The following SENP5 variants were observed in gnomAD, a reference collection of about 807,000 sequenced individuals.
SENP5 encodes the protein sentrin-specific protease 5.
A neutral mutation model predicts 74.2 loss-of-function variants in SENP5; 21 were observed. The ratio of observed to expected loss-of-function variants is 0.28; its 90% CI spans 0.20 to 0.41. The LOEUF (loss-of-function observed/expected upper bound fraction) is 0.41. Ranked by LOEUF, SENP5 falls within the 10% of genes least tolerant of loss-of-function variation. SENP5 has a pLI of 1.00. For missense variants in SENP5, 717 were observed against 889.1 expected, an observed-to-expected ratio of 0.81 and a Z score of 2.46; for synonymous variants, 311 against 312.7, an observed-to-expected ratio of 0.99 and a Z score of 0.06.
At chr3:196,869,044 G>A (rs570250469) in intron 1 of SENP5, among the ~76,000 whole-genome samples, 2 of 151,950 alleles carry the variant, frequency 1.3e-5, no homozygotes, top group African/African-American at 4.8e-5. Flanking sequence ...CATGTCTCAC[G>A]CTTATTGATG....
chr3:196,899,671 C>A lies in SENP5; in HGVS notation c.1519C>A (p.Leu507Ile). Residue 507 changes from leucine (L) to isoleucine (I), a missense_variant, in exon 3 of 10, where the codon CTA becomes ATA. Coordinates refer to ENST00000323460, the MANE Select transcript of SENP5 (RefSeq NM_152699.5). ...EQLSVCLSGFLDEVMKKYGSL... is the reference protein window; with the variant it reads ...EQLSVCLSGFIDEVMKKYGSL... ...TCTTTCTTCCTTTATTTAAGGATTC[C>A]TAGATGAGGTTATGAAGAAGTATGG... 1 of 1,595,834 alleles carries A rather than the reference C, an allele frequency of 6.3e-7. No homozygotes were observed. The highest frequency in any genetic ancestry group is 1.1e-5 in the South Asian group (1 of 90,444).
At chr3:196,925,697 A>G (rs1196769355) in intron 7 of SENP5, among the ~76,000 whole-genome samples, 1 of 152,184 alleles carries the variant, frequency 6.6e-6, no homozygotes, top group Non-Finnish European at 1.5e-5. Context: ...TAAAACATGC[A>G]GTTGGGTTTA....
intron 1 of SENP5, among the ~76,000 whole-genome samples, chr3:196,881,920 A>G (rs1222217064): frequency 7.7e-6 from 1 of 129,432 alleles, no homozygotes; most frequent in Admixed American, 8.5e-5. Flanking sequence ...TTTTTGAGAC[A>G]GTCTTGGTCT....
At chr3:196,869,842 G>C (rs1713132787) in intron 1 of SENP5, among the ~76,000 whole-genome samples, 1 of 74,106 alleles carries the variant, frequency 1.3e-5, no homozygotes, top group South Asian at 3.5e-4. Flanking sequence ...TTCTAAATCA[G>C]CCTTTTTTTT....
At chr3:196,926,472 A>G (rs540204196) in intron 7 of SENP5, among the ~76,000 whole-genome samples, 95 of 116,864 alleles carry the variant, frequency 8.1e-4, no homozygotes, top group African/African-American at 2.9e-3. Context: ...ACAGAGCAAG[A>G]CTCCGTCTCA....
intron 6 of SENP5, among the ~76,000 whole-genome samples, chr3:196,910,891 C>A (rs191604389): frequency 6.6e-6 from 1 of 152,084 alleles, no homozygotes; most frequent in South Asian, 2.1e-4. Flanking sequence ...ACCAATGGAA[C>A]AGAACAGAGA....
chr3:196,909,847 C>T (rs1384035403), intron 6 of SENP5, among the ~76,000 whole-genome samples: 1 of 152,114 alleles, frequency 6.6e-6, no homozygotes, highest in Non-Finnish European at 1.5e-5. Context: ...TGGCACAAGA[C>T]AAGGATGCCC....
chr3:196,889,911 G>A (rs1284482478), intron 2 of SENP5, among the ~76,000 whole-genome samples: 1 of 152,130 alleles, frequency 6.6e-6, no homozygotes, highest in African/African-American at 2.4e-5. Context: ...AGTAGTTGGG[G>A]AATCTCTCCC....
At chr3:196,922,593 C>T (rs1715662638) in intron 6 of SENP5, among the ~76,000 whole-genome samples, 1 of 152,108 alleles carries the variant, frequency 6.6e-6, no homozygotes, top group Non-Finnish European at 1.5e-5. Flanking sequence ...GGACTGCAGG[C>T]ATGCACCACC....
intron 2 of SENP5, among the ~76,000 whole-genome samples, chr3:196,895,607 T>A (rs1261934520): frequency 6.6e-6 from 1 of 151,182 alleles, no homozygotes; most frequent in African/African-American, 2.4e-5. Flanking sequence ...CTGCAGTCTT[T>A]GCCTCCCAGG....
chr3:196,899,955 T>G lies in SENP5; in HGVS notation c.1651T>G (p.Tyr551Asp). 3 of 1,613,992 alleles carry G rather than the reference T, an allele frequency of 1.9e-6. No individual in the cohort carries two copies. Among genetic ancestry groups the G allele is most frequent in the Non-Finnish European group, 2.5e-6 (3 of 1,179,982 alleles). The change falls in exon 4 of 10, where the codon TAT becomes GAT. Residue 551 changes from tyrosine to aspartate, a missense_variant. Tyr to Asp is a radical substitution (Grantham distance 160). Transcript: ENST00000323460. ...KPFINREITNYRARHQKCNFR... is the reference protein window; with the variant it reads ...KPFINREITNDRARHQKCNFR... ...ATTTATCAATAGGGAAATAACAAAC[T>G]ATCGGGCCAGACATCAAAAATGTAA... is the stretch of plus-strand genomic sequence containing the variant.
In SENP5 at chr3:196,934,265, A is replaced by T. The variant is rs1716161150; in HGVS notation, c.*3342A>T. ...TTGGAACAGAACAGTAACAGACCTA[A>T]CTGGGACTCAGCCAGCACTAGCCTC... On this transcript the variant is annotated 3_prime_UTR_variant, in exon 10 of 10. Transcript: ENST00000323460. 6.6e-6 allele frequency: 1 copy of T among 152,192 alleles called. No homozygotes were observed. Among genetic ancestry groups the T allele is most frequent in the South Asian group, 2.1e-4 (1 of 4,822 alleles). The allele number at this position is 152,192 out of a possible 1,614,324, so 9.4% of individuals were successfully genotyped here.
intron 6 of SENP5, 118 bp downstream of exon 6, chr3:196,903,728 G>C: frequency 1.7e-6 from 1 of 582,388 alleles, no homozygotes; most frequent in East Asian, 2.9e-5. Context: ...ACTTTTTAAT[G>C]TGACAAGTTT....
At chr3:196,871,021 T>C (rs1057111468) in intron 1 of SENP5, among the ~76,000 whole-genome samples, 1 of 151,676 alleles carries the variant, frequency 6.6e-6, no homozygotes, top group Admixed American at 6.6e-5. Context: ...TACAAAAAAA[T>C]TAGCTGGGCA....
At chr3:196,891,512 T>G (rs1397794563) in intron 2 of SENP5, among the ~76,000 whole-genome samples, 1 of 152,164 alleles carries the variant, frequency 6.6e-6, no homozygotes, top group Non-Finnish European at 1.5e-5. Context: ...ACATCTGTAA[T>G]CCCAGCACTT....
chr3:196,912,952 A>G (rs768919132), intron 6 of SENP5: 1 of 152,248 alleles, frequency 6.6e-6, no homozygotes, highest in Non-Finnish European at 1.5e-5. Context: ...TATTAATCAT[A>G]TTAATAGCAG....
chr3:196,884,623 C>T (rs1713868346), intron 1 of SENP5, among the ~76,000 whole-genome samples: 1 of 151,448 alleles, frequency 6.6e-6, no homozygotes, highest in African/African-American at 2.4e-5. Context: ...ACATGTTTAC[C>T]TCAGTTCCCT....
intron 7 of SENP5, among the ~76,000 whole-genome samples, chr3:196,927,561 A>G (rs1315333035): frequency 6.6e-6 from 1 of 151,638 alleles, no homozygotes; most frequent in Non-Finnish European, 1.5e-5. Context: ...TCTGAAGCCT[A>G]GGAGTTCAAG....
intron 5 of SENP5, among the ~76,000 whole-genome samples, chr3:196,903,126 T>G (rs1477102230): frequency 6.6e-6 from 1 of 152,150 alleles, no homozygotes; most frequent in Admixed American, 6.6e-5. Flanking sequence ...TTTTCTATAT[T>G]TTGATCATTA....
Sources: gnomAD v4.1 joint callset for allele counts (sites outside exome capture counted in the v4.1 genomes callset) on GRCh38, gnomAD v4.1.1 for gene constraint, MANE v1.5 for transcripts, NCBI Gene and HGNC (gene_info 2026-07-23, HGNC 2026-07-21) for gene names.